PPFIA1: variants seen among roughly 807,000 people sequenced by gnomAD.
PPFIA1 encodes liprin-alpha-1.
In PPFIA1, 25 loss-of-function variants were observed where a neutral mutation model predicts 149.9. That is an observed-to-expected ratio of 0.17 (90% CI 0.12 to 0.23). The LOEUF is 0.23. PPFIA1 is among the 10% of genes least tolerant of loss of function. The pLI is 1.00. For missense variants in PPFIA1, 1,362 were observed against 1,506.5 expected (o/e 0.90, Z 1.59); for synonymous variants, 549 against 552.8 (o/e 0.99, Z 0.10).
At chr11:70,323,141 T>TA (rs2054053703) in intron 2 of PPFIA1, among the ~76,000 whole-genome samples, 1 of 152,182 alleles carries the variant, frequency 6.6e-6, no homozygotes, top group African/African-American at 2.4e-5. Flanking sequence ...GTGCCTCCAT[T>TA]AAACCCACAC....
intron 9 of PPFIA1, chr11:70,333,224 G>A (rs1449561902): frequency 1.4e-5 from 8 of 573,010 alleles, no homozygotes; most frequent in East Asian, 1.0e-4. Flanking sequence ...GGGTTGGGGG[G>A]AAAACACCCA....
intron 24 of PPFIA1, 51 bp downstream of exon 24, chr11:70,375,144 A>T (rs1443756239): frequency 7.1e-6 from 6 of 849,510 alleles, no homozygotes; most frequent in African/African-American, 5.5e-5. Flanking sequence ...TGGCACCCTG[A>T]TTATAGACAG....
intron 7 of PPFIA1, chr11:70,327,503 G>A (rs952693030): frequency 2.0e-5 from 3 of 152,362 alleles, no homozygotes; most frequent in Non-Finnish European, 4.4e-5. Flanking sequence ...CGGGCGTGGT[G>A]GCTCACGCCT....
At chr11:70,375,202 A>AAAC in intron 24 of PPFIA1, 109 bp downstream of exon 24, 2 of 346,730 alleles carry the variant, frequency 5.8e-6, no homozygotes, top group Non-Finnish European at 4.2e-6. Context: ...AAAAAAAAAA[A>AAAC]CTTCAGACAA....
At chr11:70,350,749 T>C (rs1427364982) in intron 16 of PPFIA1, among the ~76,000 whole-genome samples, 1 of 152,190 alleles carries the variant, frequency 6.6e-6, no homozygotes, top group Non-Finnish European at 1.5e-5. Flanking sequence ...CATATTTTAA[T>C]AAAACACATG....
At chr11:70,362,511 C>T in intron 21 of PPFIA1, 23 bp downstream of exon 21, 6 of 1,552,520 alleles carry the variant, frequency 3.9e-6, no homozygotes, top group Non-Finnish European at 4.4e-6. Context: ...ACAACCCCTG[C>T]ATTCTTTGGA....
intron 2 of PPFIA1, among the ~76,000 whole-genome samples, chr11:70,277,571 A>C (rs1266219372): frequency 6.6e-6 from 1 of 151,410 alleles, no homozygotes; most frequent in African/African-American, 2.4e-5. Context: ...GCGCACTGCA[A>C]CCTCCATCTC....
At chr11:70,287,087 A>C (rs1565345082) in intron 2 of PPFIA1, among the ~76,000 whole-genome samples, 1 of 151,800 alleles carries the variant, frequency 6.6e-6, no homozygotes, top group Non-Finnish European at 1.5e-5. Flanking sequence ...TCTTGAGCTC[A>C]AGTGATTCGC....
At chr11:70,369,879 C>T (rs531394877) in intron 21 of PPFIA1, among the ~76,000 whole-genome samples, 1 of 151,918 alleles carries the variant, frequency 6.6e-6, no homozygotes, top group South Asian at 2.1e-4. Flanking sequence ...TCAAGCCATC[C>T]TCCTGCTTCA....
Position 70,330,324 on chromosome 11 carries a change from T to C in PPFIA1, c.1077+5T>C, listed in dbSNP as rs895743078. Reference sequence around the variant, plus strand: ...AAAGATTCTATGCATCGACAGGTAATGGATTTTATCGACCTTTGTCTGGCT... The same window carrying C: ...AAAGATTCTATGCATCGACAGGTAACGGATTTTATCGACCTTTGTCTGGCT... On this transcript the variant is annotated splice_donor_5th_base_variant and intron_variant, in intron 8 of 27. Coordinates refer to ENST00000253925, the MANE Select transcript of PPFIA1 (RefSeq NM_003626.5). 5.1e-6 allele frequency: 8 copies of C among 1,563,672 alleles called. No individual in the cohort carries two copies. The highest frequency in any genetic ancestry group is 2.8e-5 in the African/African-American group (2 of 72,148).
At chr11:70,371,999 G>T in intron 21 of PPFIA1, 1 of 375,992 alleles carries the variant, frequency 2.7e-6, no homozygotes, top group Non-Finnish European at 4.7e-6. Flanking sequence ...TTATCACAAC[G>T]AATCATATAT....
At chr11:70,362,635 A>T in intron 21 of PPFIA1, 147 bp downstream of exon 21, 1 of 707,864 alleles carries the variant, frequency 1.4e-6, no homozygotes, top group Non-Finnish European at 2.0e-6. Flanking sequence ...CATACATTAG[A>T]ACTTTTAATT....
At chr11:70,312,017 A>G (rs536161356) in intron 2 of PPFIA1, among the ~76,000 whole-genome samples, 62 of 150,902 alleles carry the variant, frequency 4.1e-4, no homozygotes, top group African/African-American at 1.5e-3. Flanking sequence ...TATTTTCTAT[A>G]TTTCTATTTT....
chr11:70,360,018 A>G (rs553078260), intron 19 of PPFIA1, among the ~76,000 whole-genome samples: 83 of 152,186 alleles, frequency 5.5e-4, no homozygotes, highest in Non-Finnish European at 1.1e-3. Flanking sequence ...GCATGGTCCC[A>G]TGTTTGGTCT....
chr11:70,377,882 T>G, intron 25 of PPFIA1, 148 bp from the exon 26 acceptor site: 1 of 678,524 alleles, frequency 1.5e-6, no homozygotes, highest in Non-Finnish European at 2.4e-6. Flanking sequence ...GGTTGGGCAA[T>G]ATATTGTGTG....
Position 70,330,273 on chromosome 11 carries a change from A to T in PPFIA1, c.1031A>T (p.Asp344Val), listed in dbSNP as rs776805756. Residue 344 changes from aspartate to valine, a missense_variant, in exon 8 of 28, where the codon GAT becomes GTT. Asp to Val is a radical substitution (Grantham distance 152). Transcript: ENST00000253925. ...GCCACATCTGTGCATGACCTCAATGATAAACTTGAAAATGAAATTGCAAAT... is the reference window on the plus strand; with the variant it reads ...GCCACATCTGTGCATGACCTCAATGTTAAACTTGAAAATGAAATTGCAAAT... ...REATSVHDLNDKLENEIANKD... is the reference protein window; with the variant it reads ...REATSVHDLNVKLENEIANKD... 19 of 1,583,570 alleles carry T rather than the reference A, an allele frequency of 1.2e-5. No individual in the cohort carries two copies. Among genetic ancestry groups the T allele is most frequent in the Non-Finnish European group, 1.5e-5 (18 of 1,169,602 alleles).
At chr11:70,372,779 G>GT in intron 23 of PPFIA1, among the ~76,000 whole-genome samples, 1 of 152,332 alleles carries the variant, frequency 6.6e-6, no homozygotes, top group East Asian at 1.9e-4. Flanking sequence ...TGTTCCCTGT[G>GT]TTCTCACACA....
chr11:70,339,535 G>C (rs2055185172), intron 14 of PPFIA1, among the ~76,000 whole-genome samples: 1 of 151,038 alleles, frequency 6.6e-6, no homozygotes, highest in Non-Finnish European at 1.5e-5. Context: ...GCCCAAGCTG[G>C]TCTTGAACTC....
chr11:70,300,993 C>G (rs527487927), intron 2 of PPFIA1, among the ~76,000 whole-genome samples: 2 of 152,274 alleles, frequency 1.3e-5, no homozygotes, highest in South Asian at 2.1e-4. Flanking sequence ...ACTGTGTAAA[C>G]AGGCCCTTCA....
Sources: gnomAD v4.1 joint callset for allele counts (sites outside exome capture counted in the v4.1 genomes callset) on GRCh38, gnomAD v4.1.1 for gene constraint, MANE v1.5 for transcripts, NCBI Gene and HGNC (gene_info 2026-07-23, HGNC 2026-07-21) for gene names.